GLIS3: variants seen among roughly 807,000 people sequenced by gnomAD.
GLIS3 encodes GLIS family zinc finger 3.
GLIS3 carries 53 observed loss-of-function variants against 78.6 expected under a neutral mutation model. The ratio of observed to expected loss-of-function variants is 0.67; its 90% CI spans 0.54 to 0.85. The LOEUF is 0.85. Among genes scored for constraint, GLIS3 ranks in the 40% least tolerant of loss-of-function variants. The probability of loss-of-function intolerance (pLI) is 0.00; values close to 1 mark genes in which losing one functional copy is unlikely to be tolerated. For missense variants in GLIS3, 1,703 were observed against 1,231.1 expected, an observed-to-expected ratio of 1.38 and a Z score of -5.74; for synonymous variants, 684 against 509.9, an observed-to-expected ratio of 1.34 and a Z score of -4.60.
chr9:4,136,086 A>G (rs776905426), intron 2 of GLIS3, among the ~76,000 whole-genome samples: 1 of 152,212 alleles, frequency 6.6e-6, no homozygotes, highest in East Asian at 1.9e-4. Flanking sequence ...GGGGCAAAGC[A>G]ATCGAATTTG....
chr9:4,120,914 C>T (rs1832126828), intron 3 of GLIS3, among the ~76,000 whole-genome samples: 2 of 152,336 alleles, frequency 1.3e-5, no homozygotes, highest in South Asian at 4.1e-4. Flanking sequence ...CGTTCATTTG[C>T]TCCACTGTTG....
In GLIS3 at chr9:3,979,443, G is replaced by C. The variant is rs147902941; in HGVS notation, c.1711-42254C>G. ...CATCTAAATAGCACACGCTTCGAGC[G>C]AAGACCACAGCCCGTGTGCCAATGC... On this transcript the variant is annotated intron_variant, in intron 4 of 10. Transcript: ENST00000381971. 3.9e-4 allele frequency among the ~76,000 whole-genome samples: 59 copies of C among 152,318 alleles called. No homozygotes were observed. The East Asian group carries it at 0.011, about 28-fold the overall frequency.
At chr9:3,911,310 G>A (rs1297926741) in intron 6 of GLIS3, among the ~76,000 whole-genome samples, 1 of 152,192 alleles carries the variant, frequency 6.6e-6, no homozygotes, top group Non-Finnish European at 1.5e-5. Context: ...TTTTCCATAT[G>A]TTACGCTCTT....
rs1342750608 is a variant in GLIS3 at position 3,856,173 on chromosome 9, G to A, written c.2309C>T (p.Ser770Phe). ...GCTGATGTGGTGAGGAGATGGAGCA[G>A]AAGGTGCAAACCTGAGAAAACAATT... ...VDAGAERFAP[S>F]APSPHHISPR... The change falls in exon 9 of 11, where the codon TCT becomes TTT. Residue 770 changes from serine (S) to phenylalanine (F), a missense_variant. Coordinates refer to ENST00000381971, the MANE Select transcript of GLIS3 (RefSeq NM_001042413.2). The A allele has an allele frequency of 6.2e-7, 1 of 1,613,916 alleles. No individual in the cohort carries two copies. Among genetic ancestry groups the A allele is most frequent in the Non-Finnish European group, 8.5e-7 (1 of 1,179,922 alleles).
intron 4 of GLIS3, among the ~76,000 whole-genome samples, chr9:3,996,344 C>G (rs1820743160): frequency 6.6e-6 from 1 of 152,032 alleles, no homozygotes; most frequent in Non-Finnish European, 1.5e-5. Context: ...ATGGGCAAGT[C>G]AAATATTCAC....
chr9:4,217,662 C>T (rs1319874748), intron 2 of GLIS3, among the ~76,000 whole-genome samples: 1 of 152,142 alleles, frequency 6.6e-6, no homozygotes, highest in Non-Finnish European at 1.5e-5. Flanking sequence ...AAAGATAAAG[C>T]CAATGTGGTT....
chr9:3,986,477 A>G (rs1283531208), intron 4 of GLIS3, among the ~76,000 whole-genome samples: 6 of 152,254 alleles, frequency 3.9e-5, no homozygotes, highest in Non-Finnish European at 8.8e-5. Flanking sequence ...ATACTTTTCT[A>G]TCAGCATTAA....
intron 4 of GLIS3, among the ~76,000 whole-genome samples, chr9:4,057,642 T>A (rs557211222): frequency 6.7e-6 from 1 of 149,908 alleles, no homozygotes; most frequent in African/African-American, 2.5e-5. Flanking sequence ...TGAAAAAAAA[T>A]TGAAGAAGAA....
upstream of GLIS3, among the ~76,000 whole-genome samples, chr9:4,300,320 C>T (rs947794867): frequency 2.8e-5 from 3 of 108,930 alleles, no homozygotes; most frequent in African/African-American, 1.0e-4. Flanking sequence ...TCTTCCTGGC[C>T]TTATTTGTTA....
the GLIS3 span, among the ~76,000 whole-genome samples, chr9:4,403,891 T>G: frequency 6.6e-6 from 1 of 151,024 alleles, no homozygotes; most frequent in African/African-American, 2.4e-5. Context: ...TAATACTGAG[T>G]GAAAATTGAC....
At chr9:4,320,637 C>A (rs1269140328) in intron 2 of GLIS3, among the ~76,000 whole-genome samples, 1 of 152,120 alleles carries the variant, frequency 6.6e-6, no homozygotes, top group Non-Finnish European at 1.5e-5. Flanking sequence ...ACACCATCAC[C>A]ATCATTACTG....
the GLIS3 span, among the ~76,000 whole-genome samples, chr9:4,402,265 G>T: frequency 6.6e-6 from 1 of 152,232 alleles, no homozygotes; most frequent in Admixed American, 6.5e-5. Flanking sequence ...CACCAAGGTG[G>T]TACCTCTACA....
intron 4 of GLIS3, among the ~76,000 whole-genome samples, chr9:4,105,681 T>C (rs1380315189): frequency 6.6e-6 from 1 of 152,204 alleles, no homozygotes; most frequent in African/African-American, 2.4e-5. Context: ...AAAGTGATAG[T>C]GACACAGTTG....
chr9:4,439,841 G>A, the GLIS3 span, among the ~76,000 whole-genome samples: 1 of 152,088 alleles, frequency 6.6e-6, no homozygotes, highest in South Asian at 2.1e-4. Context: ...ACCACACCAG[G>A]CTAATTTTTG....
chr9:4,433,387 G>A, the GLIS3 span, among the ~76,000 whole-genome samples: 7 of 152,132 alleles, frequency 4.6e-5, no homozygotes, highest in South Asian at 2.1e-4. Flanking sequence ...AGCAGAGATC[G>A]CACCACTTCA....
At chr9:4,362,451 T>C in the GLIS3 span, among the ~76,000 whole-genome samples, 1 of 152,192 alleles carries the variant, frequency 6.6e-6, no homozygotes, top group Admixed American at 6.5e-5. Flanking sequence ...AAGCTCCCTT[T>C]GTAGTTGATG....
At chr9:4,448,471 C>T in the GLIS3 span, among the ~76,000 whole-genome samples, 4 of 152,344 alleles carry the variant, frequency 2.6e-5, no homozygotes, top group South Asian at 8.3e-4. Flanking sequence ...AGCAAAGTGG[C>T]TTACAGGCAG....
the GLIS3 span, among the ~76,000 whole-genome samples, chr9:4,382,967 C>T: frequency 3.3e-5 from 5 of 152,178 alleles, no homozygotes; most frequent in Admixed American, 2.6e-4. Flanking sequence ...CTGGATTCAC[C>T]GATTCTGTGC....
At chr9:4,233,334 G>C (rs72691855) in intron 2 of GLIS3, among the ~76,000 whole-genome samples, 7,639 of 152,216 alleles carry the variant, frequency 0.05, 238 homozygotes, top group Non-Finnish European at 0.079. Flanking sequence ...TTTATACCAG[G>C]ACCAAACTGA....
Sources: allele counts gnomAD v4.1 joint callset (sites outside exome capture counted in the v4.1 genomes callset), GRCh38; gene constraint gnomAD v4.1.1; transcripts MANE v1.5; gene names NCBI Gene and HGNC (gene_info 2026-07-23, HGNC 2026-07-21).